Variants in PXDNL observed in about 807,000 individuals in gnomAD.
PXDNL encodes peroxidasin like, also known as probable oxidoreductase PXDNL.
PXDNL carries 145 observed loss-of-function variants against 150.8 expected under a neutral mutation model. The ratio of observed to expected loss-of-function variants is 0.96; its 90% CI spans 0.84 to 1.10. PXDNL has a LOEUF of 1.10. Ranked by LOEUF, PXDNL falls within the 50% of genes least tolerant of loss-of-function variation. The pLI is 0.00. For synonymous variants in PXDNL, 757 were observed against 725.7 expected (o/e 1.04, Z -0.69); for missense variants, 2,087 against 1,873.9 (o/e 1.11, Z -2.10).
chr8:51,588,375 T>C (rs1813372630), intron 3 of PXDNL, among the ~76,000 whole-genome samples: 1 of 152,160 alleles, frequency 6.6e-6, no homozygotes, highest in Non-Finnish European at 1.5e-5. Context: ...GTTCACCATG[T>C]ACTGCTTCAC....
chr8:51,713,737 G>T (rs561766715), intron 1 of PXDNL, among the ~76,000 whole-genome samples: 1 of 152,098 alleles, frequency 6.6e-6, no homozygotes, highest in Non-Finnish European at 1.5e-5. Context: ...TTGAGGAATC[G>T]TTTGTAGTAT....
chr8:51,679,835 A>T (rs1585669296), intron 1 of PXDNL, among the ~76,000 whole-genome samples: 1 of 152,326 alleles, frequency 6.6e-6, no homozygotes, highest in East Asian at 1.9e-4. Flanking sequence ...GAAGCTAAGC[A>T]TCCCATCAGA....
chr8:51,718,862 C>T (rs1816667328), intron 1 of PXDNL, among the ~76,000 whole-genome samples: 1 of 152,182 alleles, frequency 6.6e-6, no homozygotes, highest in African/African-American at 2.4e-5. Flanking sequence ...ATTTTCAATT[C>T]ACCAGGATCC....
At chr8:51,765,340 G>A (rs1283758369) in intron 1 of PXDNL, among the ~76,000 whole-genome samples, 1 of 152,152 alleles carries the variant, frequency 6.6e-6, no homozygotes, top group African/African-American at 2.4e-5. Context: ...CTCTTTGCCT[G>A]CCACCATGTA....
intron 14 of PXDNL, among the ~76,000 whole-genome samples, chr8:51,419,244 A>T (rs1808883383): frequency 6.6e-6 from 1 of 152,182 alleles, no homozygotes; most frequent in African/African-American, 2.4e-5. Flanking sequence ...CAGTATATGC[A>T]TGTTACATGG....
intron 4 of PXDNL, among the ~76,000 whole-genome samples, chr8:51,548,831 A>G (rs537133270): frequency 6.6e-6 from 1 of 152,312 alleles, no homozygotes; most frequent in Admixed American, 6.5e-5. Flanking sequence ...TCACATCTCA[A>G]TACTAGCATT....
At chr8:51,542,489 C>A (rs1812238305) in intron 4 of PXDNL, among the ~76,000 whole-genome samples, 1 of 123,444 alleles carries the variant, frequency 8.1e-6, no homozygotes. Flanking sequence ...GGAATTAATG[C>A]CCTTATAAAA....
chr8:51,320,802 G>T lies in PXDNL; in HGVS notation c.4242C>A (p.Cys1414Ter). Residue 1414 changes from cysteine to a stop codon, truncating the protein, a stop_gained, in exon 22 of 23, where the codon TGC (cysteine) becomes TGA (stop). Transcript: ENST00000356297. LOFTEE classifies it low-confidence loss of function (END_TRUNC). ...KAEERWMKED[C>*]THCICESGQV... ...CACAAACCTCACAAATGCAGTGAGTGCAGTCTTCTTTCATCCAGCGCTCCT... is the reference window on the plus strand; with the variant it reads ...CACAAACCTCACAAATGCAGTGAGTTCAGTCTTCTTTCATCCAGCGCTCCT... The T allele has an allele frequency of 6.2e-7, 1 of 1,613,426 alleles. No individual in the cohort carries two copies. The highest frequency in any genetic ancestry group is 8.5e-7 in the Non-Finnish European group (1 of 1,179,424).
intron 1 of PXDNL, among the ~76,000 whole-genome samples, chr8:51,742,891 G>A (rs1362755508): frequency 6.6e-6 from 1 of 152,138 alleles, no homozygotes; most frequent in African/African-American, 2.4e-5. Context: ...AATGCAGCAT[G>A]CTGAAAGAGC....
intron 1 of PXDNL, among the ~76,000 whole-genome samples, chr8:51,739,264 A>T (rs1332814047): frequency 6.6e-6 from 1 of 152,182 alleles, no homozygotes; most frequent in Non-Finnish European, 1.5e-5. Context: ...GATAAAGAGC[A>T]TCTATAAAAG....
intron 1 of PXDNL, among the ~76,000 whole-genome samples, chr8:51,808,578 C>T (rs1048402422): frequency 3.9e-5 from 6 of 152,110 alleles, no homozygotes; most frequent in Non-Finnish European, 8.8e-5. Context: ...CCTACTATCC[C>T]GTAATGCCTC....
rs574447487 is a variant in PXDNL, at chr8:51,457,104, T to C, written c.982+394A>G. Among the ~76,000 whole-genome samples, 153 of 152,368 alleles carry C rather than the reference T, an allele frequency of 1.0e-3. 1 individual carries two copies. The highest frequency in any genetic ancestry group is 3.3e-3 in the African/African-American group (139 of 41,596). On this transcript the variant is annotated intron_variant, in intron 9 of 22. Coordinates refer to ENST00000356297, the MANE Select transcript of PXDNL (RefSeq NM_144651.5). Reference sequence around the variant, plus strand: ...GAATAAGGAACGTGGTTGATAACCATGCAATCTTCAACAGCTAGCTCAGTG... The same window carrying C: ...GAATAAGGAACGTGGTTGATAACCACGCAATCTTCAACAGCTAGCTCAGTG...
intron 5 of PXDNL, among the ~76,000 whole-genome samples, chr8:51,486,594 T>C (rs1810742215): frequency 6.6e-6 from 1 of 151,534 alleles, no homozygotes; most frequent in African/African-American, 2.4e-5. Flanking sequence ...AAATGTATGC[T>C]TGTAGTTTCC....
chr8:51,409,592 G>C (rs1383772969), intron 16 of PXDNL, 31 bp from the exon 17 acceptor site: 1 of 1,517,392 alleles, frequency 6.6e-7, no homozygotes, highest in Admixed American at 2.1e-5. Context: ...GCCGTGAGGA[G>C]GGCGGGCCTG....
At chr8:51,670,652 A>G (rs1217684644) in intron 1 of PXDNL, among the ~76,000 whole-genome samples, 3 of 152,306 alleles carry the variant, frequency 2.0e-5, no homozygotes, top group East Asian at 1.9e-4. Context: ...TGTATCTCCA[A>G]TTTTTTATTT....
At position 51,472,218 on chromosome 8, in the gene PXDNL, G is replaced by T; in HGVS notation, c.781C>A (p.Pro261Thr). The T allele has an allele frequency of 6.2e-7, 1 of 1,613,138 alleles. No individual in the cohort carries two copies. Residue 261 changes from proline to threonine, a missense_variant, in exon 8 of 23, where the codon CCC becomes ACC. Transcript: ENST00000356297. ...TGTATCCAAATAATCTCAGGTTTGG[G>T]GTTTCCTTCCGCCCGGCAGGTGAAG... ...VYFTCRAEGN[P>T]KPEIIWIHNN... is the part of the protein sequence containing the mutation.
intron 17 of PXDNL, among the ~76,000 whole-genome samples, chr8:51,377,713 C>T (rs554525814): frequency 7.2e-5 from 11 of 152,288 alleles, no homozygotes; most frequent in East Asian, 3.9e-4. Context: ...GGCTGGCCAG[C>T]GCTGCGCTCG....
At chr8:51,725,046 G>A (rs1294512009) in intron 1 of PXDNL, among the ~76,000 whole-genome samples, 3 of 151,900 alleles carry the variant, frequency 2.0e-5, no homozygotes, top group Non-Finnish European at 4.4e-5. Flanking sequence ...GGAGTGCAGT[G>A]GCACCATTAT....
Position 51,668,016 on chromosome 8 carries a change from A to G in PXDNL, c.165-13256T>C, listed in dbSNP as rs548787711. ...CGGGTGAGGAGGCACCGGACTCACA[A>G]TTTCTGATGTCACAGGTGAGGAATT... On this transcript the variant is annotated intron_variant, in intron 1 of 22. Coordinates refer to ENST00000356297, the MANE Select transcript of PXDNL (RefSeq NM_144651.5). Among the ~76,000 whole-genome samples, 26 of 152,162 alleles carry G rather than the reference A, an allele frequency of 1.7e-4. 1 individual carries two copies. The East Asian group carries it at 4.5e-3, about 26-fold the overall frequency.
Sources: allele counts gnomAD v4.1 joint callset (sites outside exome capture counted in the v4.1 genomes callset), GRCh38; gene constraint gnomAD v4.1.1; transcripts MANE v1.5; gene names NCBI Gene and HGNC (gene_info 2026-07-23, HGNC 2026-07-21).